PHF24: variants seen among roughly 807,000 people sequenced by gnomAD.
PHF24 encodes the protein PHD finger protein 24, also known as Galpha inhibitory interacting protein.
A neutral mutation model predicts 42.6 loss-of-function variants in PHF24; 25 were observed. The observed-to-expected ratio is 0.59, with a 90% CI of 0.43 to 0.82. The LOEUF (loss-of-function observed/expected upper bound fraction) is 0.82, where lower values mean the gene tolerates loss of function less well. Ranked by LOEUF, PHF24 falls within the 40% of genes least tolerant of loss-of-function variation. The probability of loss-of-function intolerance (pLI) is 0.00; values close to 1 mark genes in which losing one functional copy is unlikely to be tolerated. For missense variants in PHF24, 470 were observed against 538.1 expected (o/e 0.87, Z 1.25); for synonymous variants, 185 against 204.8 (o/e 0.90, Z 0.83).
chr9:34,948,060 G>T, the PHF24 span, among the ~76,000 whole-genome samples: 3 of 149,460 alleles, frequency 2.0e-5, no homozygotes, highest in Non-Finnish European at 4.4e-5. Context: ...AGTGAGCCGA[G>T]ATCGCACCAC....
chr9:34,688,860 C>G, the PHF24 span, among the ~76,000 whole-genome samples: 1 of 152,206 alleles, frequency 6.6e-6, no homozygotes, highest in Admixed American at 6.5e-5. Context: ...CTGGACACCA[C>G]AAAAACAGTG....
the PHF24 span, among the ~76,000 whole-genome samples, chr9:34,937,443 G>T: frequency 1.3e-5 from 2 of 152,126 alleles, no homozygotes; most frequent in African/African-American, 2.4e-5. Context: ...ACAGATGCTT[G>T]AAGGCAGCAG....
chr9:34,836,013 G>C, the PHF24 span: 1 of 660,300 alleles, frequency 1.5e-6, no homozygotes, highest in South Asian at 1.5e-5. Flanking sequence ...CTGTACATAG[G>C]ATTCGCCGCA....
At chr9:34,684,274 T>C in the PHF24 span, among the ~76,000 whole-genome samples, 1 of 152,150 alleles carries the variant, frequency 6.6e-6, no homozygotes, top group Non-Finnish European at 1.5e-5. Flanking sequence ...TTGCAGACAG[T>C]GATGAGGCAT....
chr9:34,926,648 G>A, the PHF24 span, among the ~76,000 whole-genome samples: 1 of 152,148 alleles, frequency 6.6e-6, no homozygotes, highest in Non-Finnish European at 1.5e-5. This position sits in a 1 kb window ranked among gnomAD's most constrained non-coding sequence, Gnocchi z 4.3. Context: ...TGAGACATGG[G>A]TGCACACCTG....
the PHF24 span, among the ~76,000 whole-genome samples, chr9:34,697,805 C>G: frequency 6.6e-6 from 1 of 152,138 alleles, no homozygotes; most frequent in Non-Finnish European, 1.5e-5. Context: ...AGGGGAACAC[C>G]AACTCTTTGA....
the PHF24 span, among the ~76,000 whole-genome samples, chr9:34,821,525 T>G: frequency 2.0e-5 from 3 of 152,212 alleles, no homozygotes; most frequent in Non-Finnish European, 1.5e-5. Context: ...GTAGTATATG[T>G]ACGTCTCCTA....
the PHF24 span, chr9:34,666,225 CAGGT>C: frequency 6.2e-6 from 1 of 161,894 alleles, no homozygotes; most frequent in Admixed American, 5.7e-5. Flanking sequence ...TTATAGGTGT[CAGGT>C]CAGGTTTTGG....
At chr9:34,839,446 C>T in the PHF24 span, among the ~76,000 whole-genome samples, 4 of 152,294 alleles carry the variant, frequency 2.6e-5, no homozygotes, top group Non-Finnish European at 5.9e-5. Flanking sequence ...ACTCATCACT[C>T]CTATACTCTG....
At chr9:34,732,767 C>T in the PHF24 span, among the ~76,000 whole-genome samples, 1 of 152,128 alleles carries the variant, frequency 6.6e-6, no homozygotes, top group East Asian at 1.9e-4. Flanking sequence ...GCATGGGAAG[C>T]ATAAATAAAT....
chr9:34,884,086 A>G, the PHF24 span, among the ~76,000 whole-genome samples: 1 of 152,322 alleles, frequency 6.6e-6, no homozygotes, highest in African/African-American at 2.4e-5. Flanking sequence ...GAAGCTGGAA[A>G]CCATCCTTCC....
intron 7 of PHF24, 78 bp downstream of exon 7, chr9:34,977,719 C>T (rs1827252462): frequency 1.6e-6 from 2 of 1,232,234 alleles, no homozygotes; most frequent in South Asian, 1.3e-5. Context: ...GGGCATTACC[C>T]ACTCCCACTC....
chr9:34,882,597 T>A, the PHF24 span, among the ~76,000 whole-genome samples: 1 of 149,524 alleles, frequency 6.7e-6, no homozygotes, highest in African/African-American at 2.6e-5. Flanking sequence ...AAATCATGAG[T>A]GAACTCCTGT....
the PHF24 span, among the ~76,000 whole-genome samples, chr9:34,914,617 A>G: frequency 3.3e-5 from 5 of 152,212 alleles, no homozygotes; most frequent in African/African-American, 1.2e-4. Flanking sequence ...CATGAATCTC[A>G]TGTCGGTTCT....
intron 1 of PHF24, among the ~76,000 whole-genome samples, chr9:34,965,844 T>C (rs1027041115): frequency 6.6e-6 from 1 of 152,222 alleles, no homozygotes; most frequent in Non-Finnish European, 1.5e-5. Context: ...AGGCATACCA[T>C]TGGTTTTCCT....
chr9:34,783,390 G>T, the PHF24 span, among the ~76,000 whole-genome samples: 12 of 152,152 alleles, frequency 7.9e-5, no homozygotes, highest in African/African-American at 2.9e-4. Context: ...ACGTTAACAT[G>T]ACTTTAATTT....
chr9:34,927,008 G>A, the PHF24 span, among the ~76,000 whole-genome samples: 1 of 151,642 alleles, frequency 6.6e-6, no homozygotes, highest in Non-Finnish European at 1.5e-5. Context: ...AGGCAGGGGT[G>A]CTGTGGGGCT....
chr9:34,941,382 T>C, the PHF24 span, among the ~76,000 whole-genome samples: 1 of 152,174 alleles, frequency 6.6e-6, no homozygotes, highest in Non-Finnish European at 1.5e-5. Flanking sequence ...GAAGTGGGTC[T>C]CATGTCTGGA....
the PHF24 span, among the ~76,000 whole-genome samples, chr9:34,754,888 T>G: frequency 1.3e-5 from 2 of 152,214 alleles, no homozygotes; most frequent in Non-Finnish European, 2.9e-5. Flanking sequence ...ACGATGAGGT[T>G]CTGTCATTTG....
Sources: allele counts gnomAD v4.1 joint callset (sites outside exome capture counted in the v4.1 genomes callset), GRCh38; gene constraint gnomAD v4.1.1; non-coding constraint Gnocchi (gnomAD v3.1); transcripts MANE v1.5; gene names NCBI Gene and HGNC (gene_info 2026-07-23, HGNC 2026-07-21).